KCNQ4: variants seen among roughly 807,000 people sequenced by gnomAD.
The protein encoded by KCNQ4 is potassium voltage-gated channel subfamily KQT member 4.
A neutral mutation model predicts 72.6 loss-of-function variants in KCNQ4; 31 were observed. The observed-to-expected ratio is 0.43, with a 90% CI of 0.32 to 0.58. The LOEUF (loss-of-function observed/expected upper bound fraction) is 0.58, where lower values mean the gene tolerates loss of function less well. Among genes scored for constraint, KCNQ4 ranks in the 20% least tolerant of loss-of-function variants. The probability of loss-of-function intolerance (pLI) is 0.08; values close to 1 mark genes in which losing one functional copy is unlikely to be tolerated. For missense variants in KCNQ4, 869 were observed against 962.6 expected (o/e 0.90, Z 1.29); for synonymous variants, 405 against 403.7 (o/e 1.00, Z -0.04).
chr1:40,790,760 G>T (rs1647265406), intron 1 of KCNQ4, among the ~76,000 whole-genome samples: 1 of 152,222 alleles, frequency 6.6e-6, no homozygotes, highest in Admixed American at 6.5e-5. Flanking sequence ...GAGAGAGCTA[G>T]ACCATGCCTG....
At chr1:40,833,142 C>A (rs755303664) in intron 11 of KCNQ4, 29 bp downstream of exon 11, 10 of 1,541,746 alleles carry the variant, frequency 6.5e-6, no homozygotes, top group East Asian at 2.3e-5. Context: ...GCGAGCACCC[C>A]CCTCCGTGTG....
intron 7 of KCNQ4, 105 bp from the exon 8 acceptor site, chr1:40,822,209 G>C (rs1368750403): frequency 1.0e-6 from 1 of 962,658 alleles, no homozygotes; most frequent in African/African-American, 1.6e-5. Context: ...CTGGCTCTGG[G>C]TAACCCACAA....
chr1:40,833,223 A>G, intron 11 of KCNQ4, 110 bp downstream of exon 11: 1 of 734,014 alleles, frequency 1.4e-6, no homozygotes, highest in South Asian at 1.4e-5. Flanking sequence ...AGCCTGGCCA[A>G]CATGGTGAAA....
chr1:40,812,502 A>G (rs980688796), intron 1 of KCNQ4, among the ~76,000 whole-genome samples: 3 of 152,058 alleles, frequency 2.0e-5, no homozygotes, highest in African/African-American at 7.2e-5. Context: ...GACTCAAGCA[A>G]TCCTCCCACC....
At chr1:40,813,921 G>A (rs970430669) in intron 1 of KCNQ4, among the ~76,000 whole-genome samples, 6 of 151,580 alleles carry the variant, frequency 4.0e-5, no homozygotes, top group Middle Eastern at 3.4e-3. Context: ...CTGATTTCTT[G>A]TATTTTTAAT....
At chr1:40,786,983 C>G (rs1307462352) in intron 1 of KCNQ4, among the ~76,000 whole-genome samples, 2 of 152,172 alleles carry the variant, frequency 1.3e-5, no homozygotes, top group African/African-American at 2.4e-5. Context: ...TCTTCCCAAT[C>G]TGCCTCAGTG....
In KCNQ4 at chr1:40,784,152, G is replaced by A; in HGVS notation, c.59G>A (p.Arg20His). ...GGTCCCCCGCCCGGGGACGCCCCCC[G>A]CGCGGAGCTAGTGGCGCTCACGGCC... Reference protein sequence around the residue: ...GLGPPPGDAPRAELVALTAVQ... With the variant: ...GLGPPPGDAPHAELVALTAVQ... The change falls in exon 1 of 14, where the codon CGC (arginine) becomes CAC (histidine). Residue 20 changes from arginine (R) to histidine (H), a missense_variant. Arg to His is a conservative substitution (Grantham distance 29). Transcript: ENST00000347132. The surrounding 1 kb of genome is among the most constrained non-coding windows in gnomAD (Gnocchi z 4.1). 1 of 1,053,966 alleles carries A rather than the reference G, an allele frequency of 9.5e-7. No individual in the cohort carries two copies. The highest frequency in any genetic ancestry group is 1.2e-6 in the Non-Finnish European group (1 of 863,606). The allele number at this position is 1,053,966 out of a possible 1,614,324, so 65.3% of individuals were successfully genotyped here.
intron 1 of KCNQ4, among the ~76,000 whole-genome samples, chr1:40,800,173 G>C (rs1173029775): frequency 6.6e-6 from 1 of 152,134 alleles, no homozygotes; most frequent in Non-Finnish European, 1.5e-5. Context: ...TTTGTAGTGG[G>C]TATAGCAAAA....
In KCNQ4 at chr1:40,830,970, C is replaced by T. The variant is rs78213219; in HGVS notation, c.1293-114C>T. ...TCCATCCCAAGAAGTCTCCGCTTGG[C>T]GGGGAATCCAGACCTAATAGCCACC... On this transcript the variant is annotated intron_variant, in intron 9 of 13. Transcript: ENST00000347132. 0.029 allele frequency: 24,116 copies of T among 845,836 alleles called. 441 individuals carry two copies. Among genetic ancestry groups the T allele is most frequent in the Non-Finnish European group, 0.036 (18,681 of 514,348 alleles). The allele number at this position is 845,836 out of a possible 1,614,324, so 52.4% of individuals were successfully genotyped here. A position where few individuals can be genotyped will look rare whatever the true frequency, so the allele number is the denominator to read the frequency against.
At chr1:40,832,912 T>G (rs1219764639) in intron 10 of KCNQ4, 102 bp from the exon 11 acceptor site, 2 of 847,464 alleles carry the variant, frequency 2.4e-6, no homozygotes, top group Non-Finnish European at 4.0e-6. Flanking sequence ...GGCCTCTGTC[T>G]TCCTATTGGA....
Position 40,838,572 on chromosome 1 carries a change from G to C in KCNQ4, c.*49G>C. ...CACACGGCCAGCCCCGCGGCCTGGC[G>C]CTCCGACTGCCCTCTGAGGCCTCCG... On this transcript the variant is annotated 3_prime_UTR_variant, in exon 14 of 14. Transcript: ENST00000347132. 6.4e-7 allele frequency: 1 copy of C among 1,551,990 alleles called. No homozygotes were observed. The highest frequency in any genetic ancestry group is 8.9e-7 in the Non-Finnish European group (1 of 1,123,970).
At chr1:40,802,200 A>C (rs566519949) in intron 1 of KCNQ4, among the ~76,000 whole-genome samples, 41 of 152,238 alleles carry the variant, frequency 2.7e-4, no homozygotes, top group South Asian at 4.1e-4. Flanking sequence ...CACACGTGAA[A>C]CTACCTACTC....
At chr1:40,796,853 G>A (rs572456786) in intron 1 of KCNQ4, among the ~76,000 whole-genome samples, 8 of 152,228 alleles carry the variant, frequency 5.3e-5, no homozygotes, top group East Asian at 1.9e-4. Context: ...GGGAGGTAGA[G>A]GTTGCAGTGA....
Position 40,824,246 on chromosome 1 carries a change from G to T in KCNQ4, c.1280G>T (p.Cys427Phe), listed in dbSNP as rs777606986. 4.4e-6 allele frequency: 7 copies of T among 1,608,448 alleles called. No homozygotes were observed. In the South Asian group the frequency reaches 7.7e-5, roughly 18 times the overall value. The change falls in exon 9 of 14, where the codon TGC (cysteine) becomes TTC (phenylalanine). Residue 427 changes from cysteine (C) to phenylalanine (F), a missense_variant. This residue lies in a region of KCNQ4 where 480 missense variants were observed against 501.9 expected (regional missense o/e 0.96). Coordinates refer to ENST00000347132, the MANE Select transcript of KCNQ4 (RefSeq NM_004700.4). ...TCHRPGSTSF[C>F]PGESSRMGIK... ...CACCGGCCGGGCAGCACCTCCTTCT[G>T]CCCTGGGGAAAGGTAGGGGCCCCGT...
intron 12 of KCNQ4, 87 bp downstream of exon 12, chr1:40,835,185 C>T: frequency 1.3e-6 from 2 of 1,510,004 alleles, no homozygotes; most frequent in Non-Finnish European, 1.8e-6. Flanking sequence ...CCCCGAGCAC[C>T]CCCAAGGGCT....
At chr1:40,829,240 G>A (rs557636246) in intron 9 of KCNQ4, among the ~76,000 whole-genome samples, 2 of 152,198 alleles carry the variant, frequency 1.3e-5, no homozygotes, top group African/African-American at 2.4e-5. Context: ...TGCACGGACC[G>A]GGCAGGGTGG....
intron 1 of KCNQ4, among the ~76,000 whole-genome samples, chr1:40,799,262 C>T (rs1026295493): frequency 6.6e-6 from 1 of 152,198 alleles, no homozygotes; most frequent in African/African-American, 2.4e-5. Flanking sequence ...TGCTACATAG[C>T]ATGTGGGACT....
At chr1:40,831,557 G>A (rs1330890253) in intron 10 of KCNQ4, among the ~76,000 whole-genome samples, 1 of 152,220 alleles carries the variant, frequency 6.6e-6, no homozygotes, top group East Asian at 1.9e-4. Flanking sequence ...GCTTTGGAGC[G>A]AGACTGCCTG....
At chr1:40,827,440 T>TG (rs955293434) in intron 9 of KCNQ4, among the ~76,000 whole-genome samples, 4 of 152,084 alleles carry the variant, frequency 2.6e-5, no homozygotes, top group African/African-American at 9.6e-5. Context: ...GAGCACAGTG[T>TG]GGGGAAAAAA....
Sources: allele counts gnomAD v4.1 joint callset (sites outside exome capture counted in the v4.1 genomes callset), GRCh38; gene constraint gnomAD v4.1.1; regional missense constraint gnomAD v4.1.1; non-coding constraint Gnocchi (gnomAD v3.1); transcripts MANE v1.5; gene names NCBI Gene and HGNC (gene_info 2026-07-23, HGNC 2026-07-21).